Variants in TERF1 observed in about 807,000 individuals in gnomAD.
The protein encoded by TERF1 is telomeric repeat binding factor 1.
A neutral mutation model predicts 55.1 loss-of-function variants in TERF1; 20 were observed. That is an observed-to-expected ratio of 0.36 (90% confidence interval 0.26 to 0.53). The LOEUF (loss-of-function observed/expected upper bound fraction) is 0.53. Ranked by LOEUF, TERF1 falls within the 20% of genes least tolerant of loss-of-function variation. The probability of loss-of-function intolerance (pLI) is 0.91; values close to 1 mark genes in which losing one functional copy is unlikely to be tolerated. For synonymous variants in TERF1, 168 were observed against 181.2 expected, an observed-to-expected ratio of 0.93 and a Z score of 0.59; for missense variants, 439 against 535.7, an observed-to-expected ratio of 0.82 and a Z score of 1.78.
chr8:73,017,738 C>G (rs181994044), intron 2 of TERF1, among the ~76,000 whole-genome samples: 1 of 148,880 alleles, frequency 6.7e-6, no homozygotes, highest in African/African-American at 2.5e-5. Context: ...GAGTCTCACT[C>G]TGTCACCAGG....
intron 9 of TERF1, among the ~76,000 whole-genome samples, chr8:73,043,779 A>G (rs891567604): frequency 1.3e-5 from 2 of 152,204 alleles, no homozygotes; most frequent in African/African-American, 4.8e-5. Flanking sequence ...TGTGCACCTT[A>G]TTAAAAATAC....
chr8:73,015,312 C>CTTTTTTTT, intron 2 of TERF1, among the ~76,000 whole-genome samples: 1 of 131,706 alleles, frequency 7.6e-6, no homozygotes, highest in Non-Finnish European at 1.6e-5. Flanking sequence ...AACCCTTTTG[C>CTTTTTTTT]TTTTTTTTTT....
intron 3 of TERF1, 78 bp from the exon 4 acceptor site, chr8:73,022,138 A>C: frequency 1.2e-6 from 1 of 828,440 alleles, no homozygotes; most frequent in South Asian, 1.8e-5. Context: ...TTTCAGACTT[A>C]CCTGAGTTAT....
chr8:73,014,382 C>T (rs1808406536), intron 2 of TERF1, among the ~76,000 whole-genome samples: 2 of 152,124 alleles, frequency 1.3e-5, no homozygotes, highest in Admixed American at 1.3e-4. Flanking sequence ...AAGTGTGTTT[C>T]ATTGACTCTA....
intron 5 of TERF1, among the ~76,000 whole-genome samples, chr8:73,026,281 T>C (rs1301461050): frequency 6.6e-6 from 1 of 151,826 alleles, no homozygotes; most frequent in African/African-American, 2.4e-5. Flanking sequence ...GTGGATCGCT[T>C]GAGCCCAGGA....
rs776724961 is a variant in TERF1 at position 73,027,055 on chromosome 8, T to G, written c.887+3T>G. 2 of 1,596,058 alleles carry G rather than the reference T, an allele frequency of 1.3e-6. No individual in the cohort carries two copies. The highest frequency in any genetic ancestry group is 2.7e-5 in the African/African-American group (2 of 74,198). On this transcript the variant is annotated splice_donor_region_variant and intron_variant, in intron 6 of 9. Transcript: ENST00000276603. ...GCTAATTTGGATACAAGAAAAAGGT[T>G]TGTAATTTAATCAATTTGTATATTT... is the stretch of plus-strand genomic sequence containing the variant.
intron 8 of TERF1, among the ~76,000 whole-genome samples, chr8:73,037,209 TTA>T (rs1809566881): frequency 7.4e-6 from 1 of 135,820 alleles, no homozygotes; most frequent in South Asian, 2.1e-4. Flanking sequence ...ATAATATAAT[TTA>T]TATATAATTA....
At chr8:73,036,595 C>A (rs1313290235) in intron 8 of TERF1, among the ~76,000 whole-genome samples, 4 of 151,424 alleles carry the variant, frequency 2.6e-5, no homozygotes, top group Non-Finnish European at 4.4e-5. Context: ...CAGGACCCAT[C>A]CCCCCGCCCC....
At chr8:73,028,236 G>C (rs1809105359) in intron 6 of TERF1, among the ~76,000 whole-genome samples, 1 of 152,040 alleles carries the variant, frequency 6.6e-6, no homozygotes, top group African/African-American at 2.4e-5. Context: ...ACTTATTTCA[G>C]ATGCTCTCCT....
chr8:73,039,673 T>C (rs2129904089), intron 9 of TERF1, among the ~76,000 whole-genome samples: 1 of 152,244 alleles, frequency 6.6e-6, no homozygotes, highest in Non-Finnish European at 1.5e-5. Context: ...GACTATAGTC[T>C]TGTGCCATCT....
chr8:73,039,770 G>GGT (rs35184446), intron 9 of TERF1, among the ~76,000 whole-genome samples: 24,891 of 136,190 alleles, frequency 0.18, 2,226 homozygotes, highest in East Asian at 0.23. Flanking sequence ...TTGTTTTTGT[G>GGT]GTGTGTGTGT....
intron 2 of TERF1, among the ~76,000 whole-genome samples, chr8:73,015,818 T>C (rs1808479570): frequency 6.6e-6 from 1 of 152,176 alleles, no homozygotes; most frequent in Admixed American, 6.6e-5. Context: ...CAGAATGAAA[T>C]CCTGTCATGA....
intron 5 of TERF1, among the ~76,000 whole-genome samples, chr8:73,026,167 C>T (rs2129803567): frequency 6.6e-6 from 1 of 151,706 alleles, no homozygotes; most frequent in African/African-American, 2.4e-5. Context: ...CCACTGCACT[C>T]CAGCCTGGGT....
At chr8:73,025,759 A>C (rs1345111169) in intron 5 of TERF1, among the ~76,000 whole-genome samples, 1 of 140,258 alleles carries the variant, frequency 7.1e-6, no homozygotes, top group Non-Finnish European at 1.5e-5. Flanking sequence ...TGTCTCAAAA[A>C]AAAAAAAAAA....
At chr8:73,009,287 T>C (rs1354944811) in intron 1 of TERF1, 82 bp downstream of exon 1, 6 of 695,170 alleles carry the variant, frequency 8.6e-6, no homozygotes, top group Non-Finnish European at 1.2e-5. Context: ...GCTGGTTCCC[T>C]ACGTCGCCGA....
In TERF1 at chr8:73,032,968, A is replaced by G. The variant is rs551142117; in HGVS notation, c.1039+835A>G. ...TGTGCCATGTTGGTGTGCTGCACCC[A>G]TTAACTCGTCATTTAGCATTAGGTA... On this transcript the variant is annotated intron_variant, in intron 8 of 9. Transcript: ENST00000276603. Among the ~76,000 whole-genome samples, 20 of 151,292 alleles carry G rather than the reference A, an allele frequency of 1.3e-4. No homozygotes were observed. The South Asian group carries it at 4.2e-3, about 32-fold the overall frequency.
intron 9 of TERF1, among the ~76,000 whole-genome samples, chr8:73,039,866 G>A (rs773750209): frequency 4.7e-5 from 7 of 149,998 alleles, no homozygotes; most frequent in South Asian, 2.1e-4. Flanking sequence ...GCCCAGGCTG[G>A]TCTTGAATTA....
intron 1 of TERF1, chr8:73,010,988 T>C (rs1808258301): frequency 6.6e-6 from 1 of 152,202 alleles, no homozygotes; most frequent in Non-Finnish European, 1.5e-5. Context: ...GCTTAAAATA[T>C]TCAGTAAACC....
intron 8 of TERF1, among the ~76,000 whole-genome samples, chr8:73,033,184 T>C (rs1198289706): frequency 6.6e-6 from 1 of 152,156 alleles, no homozygotes; most frequent in Non-Finnish European, 1.5e-5. Flanking sequence ...TGTTCATACC[T>C]GATGGCTGAT....
Sources: gnomAD v4.1 joint callset for allele counts (sites outside exome capture counted in the v4.1 genomes callset) on GRCh38, gnomAD v4.1.1 for gene constraint, MANE v1.5 for transcripts, NCBI Gene and HGNC (gene_info 2026-07-23, HGNC 2026-07-21) for gene names.